The following GTF2E1 variants were observed in gnomAD, a reference collection of about 807,000 sequenced individuals.
GTF2E1 encodes TFIIE alpha subunit.
GTF2E1 carries 14 observed loss-of-function variants against 34.9 expected under a neutral mutation model. The ratio of observed to expected loss-of-function variants is 0.40; its 90% CI spans 0.27 to 0.63. The LOEUF is 0.63. GTF2E1 is among the 20% of genes least tolerant of loss of function. GTF2E1 has a pLI of 0.39. For missense variants in GTF2E1, 469 were observed against 557.7 expected (o/e 0.84, Z 1.60); for synonymous variants, 188 against 192.9 (o/e 0.97, Z 0.21).
At chr3:120,773,971 A>G (rs1470561117) in intron 3 of GTF2E1, among the ~76,000 whole-genome samples, 1 of 152,156 alleles carries the variant, frequency 6.6e-6, no homozygotes, top group Non-Finnish European at 1.5e-5. Flanking sequence ...TGTTTTTCTC[A>G]AAGTACTCCT....
rs768211771 is a variant in GTF2E1 at position 120,770,849 on chromosome 3, G to A, written c.570G>A (p.Leu190=). Residue 190 remains leucine, a synonymous_variant, in exon 3 of 5, where the codon TTG becomes TTA. Transcript: ENST00000283875. ...FNEQIEPIYA[L]LRETEDVNLA... ...AACAAATTGAGCCCATTTATGCATT[G>A]CTTCGGGAGACAGAGGATGTGAACT... 2 of 1,613,608 alleles carry A rather than the reference G, an allele frequency of 1.2e-6. No homozygotes were observed. The highest frequency in any genetic ancestry group is 2.7e-5 in the African/African-American group (2 of 74,982).
intron 3 of GTF2E1, 76 bp from the exon 4 acceptor site, chr3:120,776,347 C>A: frequency 7.5e-7 from 1 of 1,330,286 alleles, no homozygotes; most frequent in Non-Finnish European, 1.0e-6. Flanking sequence ...GTAATTGCCT[C>A]CCTAGCTGCC....
chr3:120,776,431 A>G lies in GTF2E1; in HGVS notation c.659A>G (p.His220Arg). 1 of 1,613,180 alleles carries G rather than the reference A, an allele frequency of 6.2e-7. No individual in the cohort carries two copies. Among genetic ancestry groups the G allele is most frequent in the Non-Finnish European group, 8.5e-7 (1 of 1,179,614 alleles). Residue 220 changes from histidine (H) to arginine (R), a missense_variant, in exon 4 of 5, where the codon CAT (histidine) becomes CGT (arginine). His to Arg is a conservative substitution (Grantham distance 29). Transcript: ENST00000283875. ...EIPALKQSKD[H>R]AATTAGAASL... ...CTATTCTTTTTATATAGCAAGGACCATGCAGCAACTACTGCTGGAGCTGCT... is the reference window on the plus strand; with the variant it reads ...CTATTCTTTTTATATAGCAAGGACCGTGCAGCAACTACTGCTGGAGCTGCT...
At chr3:120,756,200 T>G (rs575998519) in intron 2 of GTF2E1, among the ~76,000 whole-genome samples, 1 of 152,188 alleles carries the variant, frequency 6.6e-6, no homozygotes, top group Non-Finnish European at 1.5e-5. Flanking sequence ...TTCTCCATGG[T>G]GATTGTACTA....
At chr3:120,768,751 T>A (rs997756678) in intron 2 of GTF2E1, among the ~76,000 whole-genome samples, 1 of 152,188 alleles carries the variant, frequency 6.6e-6, no homozygotes, top group African/African-American at 2.4e-5. Flanking sequence ...ATTCCTTGCT[T>A]CTGTTGAAGA....
intron 2 of GTF2E1, among the ~76,000 whole-genome samples, chr3:120,765,430 A>T (rs758691031): frequency 6.6e-6 from 1 of 152,140 alleles, no homozygotes; most frequent in Non-Finnish European, 1.5e-5. Flanking sequence ...ATGTTTGTTA[A>T]ATTATTTGTT....
At chr3:120,749,137 T>A (rs1709139395) in intron 1 of GTF2E1, among the ~76,000 whole-genome samples, 1 of 152,192 alleles carries the variant, frequency 6.6e-6, no homozygotes, top group Non-Finnish European at 1.5e-5. Context: ...TGCTTATCAG[T>A]TTAAGGAGAT....
rs748156939 is a variant in GTF2E1 at position 120,750,628 on chromosome 3, T to C, written c.76T>C (p.Tyr26His). ...AGCCAAGTATGTGATCCGGGGATTT[T>C]ATGGCATTGAGCATGCCTTGGCCTT... ...RLAKYVIRGF[Y>H]GIEHALALDI... Residue 26 changes from tyrosine (Y) to histidine (H), a missense_variant, in exon 2 of 5, where the codon TAT (tyrosine) becomes CAT (histidine). Physicochemically the swap from Tyr to His is moderately conservative, Grantham distance 83. Transcript: ENST00000283875. The C allele has an allele frequency of 2.5e-6, 4 of 1,613,910 alleles. No homozygotes were observed. In the Admixed American group the frequency reaches 5.0e-5, roughly 20 times the overall value.
chr3:120,743,333 C>T (rs1195401399), intron 1 of GTF2E1, among the ~76,000 whole-genome samples: 1 of 152,174 alleles, frequency 6.6e-6, no homozygotes. Flanking sequence ...GATCCACGCA[C>T]CTCCCGCTTA....
chr3:120,778,639 A>G (rs1709420925), intron 4 of GTF2E1, among the ~76,000 whole-genome samples: 1 of 152,214 alleles, frequency 6.6e-6, no homozygotes, highest in South Asian at 2.1e-4. Context: ...CATAGTGACC[A>G]GAATGATACA....
At chr3:120,755,856 A>C (rs1709204169) in intron 2 of GTF2E1, among the ~76,000 whole-genome samples, 1 of 152,156 alleles carries the variant, frequency 6.6e-6, no homozygotes, top group Admixed American at 6.5e-5. Context: ...ATTAGTGAGA[A>C]GGTACAATGT....
At chr3:120,747,552 T>C (rs1053905080) in intron 1 of GTF2E1, among the ~76,000 whole-genome samples, 1 of 152,234 alleles carries the variant, frequency 6.6e-6, no homozygotes, top group Non-Finnish European at 1.5e-5. Flanking sequence ...TCCAATTTCA[T>C]CCATGTCCCT....
intron 1 of GTF2E1, among the ~76,000 whole-genome samples, chr3:120,743,307 T>C (rs1709074044): frequency 6.6e-6 from 1 of 152,188 alleles, no homozygotes; most frequent in Non-Finnish European, 1.5e-5. Flanking sequence ...GTACAATCTT[T>C]TAACATCCTG....
chr3:120,750,188 A>G (rs1709150559), intron 1 of GTF2E1, among the ~76,000 whole-genome samples: 1 of 152,226 alleles, frequency 6.6e-6, no homozygotes, highest in South Asian at 2.1e-4. Flanking sequence ...GGTTTCCAGC[A>G]TTCCCAAAGA....
intron 3 of GTF2E1, among the ~76,000 whole-genome samples, chr3:120,776,106 A>G (rs1332547708): frequency 1.3e-5 from 2 of 152,224 alleles, no homozygotes; most frequent in Admixed American, 6.5e-5. Context: ...TGATGTCACC[A>G]TATCACTTTC....
chr3:120,765,573 G>C (rs2107610209), intron 2 of GTF2E1, among the ~76,000 whole-genome samples: 1 of 152,316 alleles, frequency 6.6e-6, no homozygotes, highest in East Asian at 1.9e-4. Flanking sequence ...GGATAGTATA[G>C]TGAATTTAGT....
intron 3 of GTF2E1, among the ~76,000 whole-genome samples, chr3:120,772,795 T>G (rs1183800346): frequency 2.0e-5 from 3 of 152,132 alleles, no homozygotes; most frequent in African/African-American, 4.8e-5. Context: ...CCACCACCAC[T>G]GGCTTCCTGT....
intron 3 of GTF2E1, among the ~76,000 whole-genome samples, chr3:120,775,526 A>G (rs892975940): frequency 2.0e-5 from 3 of 152,172 alleles, no homozygotes; most frequent in Non-Finnish European, 4.4e-5. Context: ...ACAGAGAATC[A>G]GGCATATTCG....
chr3:120,770,805 CTT>C lies in GTF2E1; in HGVS notation c.529_530del (p.Leu177GlyfsTer4). On this transcript the variant is annotated frameshift_variant, in exon 3 of 5. Coordinates refer to ENST00000283875, the MANE Select transcript of GTF2E1 (RefSeq NM_005513.3). LOFTEE classifies it high-confidence loss of function. ...AATGCCCAAAAAAGATGCACGCACA[CTT>C]TTGGCAAGGTTTAATGAACAAATTG... ...SAMPKKDART[L>X]LARFNEQIEP... 6.2e-7 allele frequency: 1 copy of C among 1,613,610 alleles called. No individual in the cohort carries two copies. The highest frequency in any genetic ancestry group is 2.2e-5 in the East Asian group (1 of 44,874).
Sources: allele counts gnomAD v4.1 joint callset (sites outside exome capture counted in the v4.1 genomes callset), GRCh38; gene constraint gnomAD v4.1.1; transcripts MANE v1.5; gene names NCBI Gene and HGNC (gene_info 2026-07-23, HGNC 2026-07-21).